Variants in FGF13 observed in about 807,000 individuals in gnomAD.
The protein encoded by FGF13 is fibroblast growth factor 13, also known as fibroblast growth factor homologous factor 2.
A neutral mutation model predicts 19.5 loss-of-function variants in FGF13; 2 were observed. That is an observed-to-expected ratio of 0.10 (90% CI 0.04 to 0.32). The LOEUF is 0.32. Among genes scored for constraint, FGF13 ranks in the 10% least tolerant of loss-of-function variants. The probability of loss-of-function intolerance (pLI) is 1.00; values close to 1 mark genes in which losing one functional copy is unlikely to be tolerated. For missense variants in FGF13, 113 were observed against 192.7 expected, an observed-to-expected ratio of 0.59 and a Z score of 2.45; for synonymous variants, 72 against 76.9, an observed-to-expected ratio of 0.94 and a Z score of 0.33.
chrX:139,096,195 C>T (rs940069471), intron 1 of FGF13, among the ~76,000 whole-genome samples: 8 of 111,582 alleles, frequency 7.2e-5, no homozygotes, highest in African/African-American at 2.6e-4. Context: ...GTCATGTAAG[C>T]AACTCATTAA....
intron 3 of FGF13, among the ~76,000 whole-genome samples, chrX:138,827,111 C>G (rs1404993734): frequency 1.8e-5 from 2 of 112,018 alleles, no homozygotes; most frequent in Non-Finnish European, 3.8e-5. Flanking sequence ...TGTTCTAATG[C>G]TAGAAGAGTT....
intron 4 of FGF13, 60 bp downstream of exon 4, chrX:138,635,397 T>TAATA (rs1178323167): frequency 7.4e-6 from 8 of 1,084,728 alleles, no homozygotes; most frequent in Non-Finnish European, 1.0e-5. Flanking sequence ...TATTGAAATT[T>TAATA]AATAAATAAA....
intron 3 of FGF13, among the ~76,000 whole-genome samples, chrX:138,758,643 C>A (rs2090446622): frequency 9.0e-6 from 1 of 111,659 alleles, no homozygotes; most frequent in South Asian, 3.8e-4. Flanking sequence ...AACTGCTTGG[C>A]TCCTGCAGCC....
intron 1 of FGF13, among the ~76,000 whole-genome samples, chrX:139,114,237 G>T (rs2083623771): frequency 8.9e-6 from 1 of 112,088 alleles, no homozygotes; most frequent in Admixed American, 9.5e-5. Context: ...AAGAGAACTG[G>T]TTCTGCTTCT....
chrX:139,122,251 C>T (rs923210796), intron 1 of FGF13, among the ~76,000 whole-genome samples: 2 of 111,628 alleles, frequency 1.8e-5, no homozygotes, highest in Non-Finnish European at 1.9e-5. Context: ...ACCTCAATTC[C>T]CTTCTCTATA....
chrX:138,968,346 TG>T (rs2091902917), intron 1 of FGF13, among the ~76,000 whole-genome samples: 2 of 112,392 alleles, frequency 1.8e-5, no homozygotes, highest in Non-Finnish European at 3.8e-5. Context: ...GCAATCCTAC[TG>T]GGTCATAATA....
intron 1 of FGF13, among the ~76,000 whole-genome samples, chrX:138,977,168 C>T (rs2091942945): frequency 8.9e-6 from 1 of 111,765 alleles, no homozygotes; most frequent in Non-Finnish European, 1.9e-5. Context: ...CAAAGCAGTG[C>T]CTGGATAGCA....
At chrX:138,975,543 A>G (rs1472686620) in intron 1 of FGF13, among the ~76,000 whole-genome samples, 1 of 111,336 alleles carries the variant, frequency 9.0e-6, no homozygotes, top group Admixed American at 9.5e-5. Flanking sequence ...AAAAAAAAAA[A>G]GAAGAAGAAA....
chrX:139,119,996 TG>T (rs1277863222), intron 1 of FGF13, among the ~76,000 whole-genome samples: 1 of 111,935 alleles, frequency 8.9e-6, no homozygotes, highest in African/African-American at 3.2e-5. Flanking sequence ...GATCGGATCA[TG>T]GGGGCAGTTT....
At chrX:139,097,973 T>C (rs2083481465) in intron 1 of FGF13, among the ~76,000 whole-genome samples, 1 of 112,430 alleles carries the variant, frequency 8.9e-6, no homozygotes, top group Non-Finnish European at 1.9e-5. Context: ...GAGTTCATTT[T>C]ATTTTTTCAT....
intron 3 of FGF13, among the ~76,000 whole-genome samples, chrX:138,666,320 T>C (rs919245175): frequency 9.0e-6 from 1 of 111,615 alleles, no homozygotes; most frequent in Non-Finnish European, 1.9e-5. Context: ...AAATGTGTTT[T>C]TATTGTTAAA....
chrX:138,973,200 G>A (rs188166270), intron 1 of FGF13, among the ~76,000 whole-genome samples: 2 of 111,170 alleles, frequency 1.8e-5, no homozygotes, highest in East Asian at 5.7e-4. Flanking sequence ...GCTTTTGTAT[G>A]TTGTGTTTCC....
intron 3 of FGF13, among the ~76,000 whole-genome samples, chrX:138,680,134 AT>A (rs1283040817): frequency 9.0e-6 from 1 of 111,700 alleles, no homozygotes. Flanking sequence ...ATTCTGTCAC[AT>A]TTTCAGGCCC....
chrX:139,008,122 C>G (rs967231852), intron 1 of FGF13, among the ~76,000 whole-genome samples: 4 of 112,097 alleles, frequency 3.6e-5, no homozygotes, highest in Non-Finnish European at 7.5e-5. Context: ...AACCACACCC[C>G]CTTCCCAAAG....
At chrX:138,965,134 G>A (rs2091889840) in intron 1 of FGF13, among the ~76,000 whole-genome samples, 1 of 112,311 alleles carries the variant, frequency 8.9e-6, no homozygotes, top group African/African-American at 3.2e-5. Context: ...AACAAAAGGA[G>A]GACATGCTGT....
At chrX:139,062,573 A>T (rs1603171856) in intron 1 of FGF13, among the ~76,000 whole-genome samples, 2 of 112,066 alleles carry the variant, frequency 1.8e-5, no homozygotes, top group Admixed American at 9.5e-5. Context: ...TGTTATTTCT[A>T]CTTCAGTGAA....
chrX:138,896,290 T>C (rs1333161352), intron 1 of FGF13, among the ~76,000 whole-genome samples: 1 of 111,664 alleles, frequency 9.0e-6, no homozygotes, highest in Non-Finnish European at 1.9e-5. Context: ...CCCATAAATA[T>C]GTACCAATAC....
chrX:138,845,944 G>C (rs2091178415), intron 3 of FGF13, among the ~76,000 whole-genome samples: 1 of 111,025 alleles, frequency 9.0e-6, no homozygotes, highest in Non-Finnish European at 1.9e-5. Flanking sequence ...CTTCCTTGTT[G>C]CTTAAAAAGA....
At chrX:138,667,263 G>GTA (rs202239735) in intron 3 of FGF13, among the ~76,000 whole-genome samples, 113 of 105,958 alleles carry the variant, frequency 1.1e-3, no homozygotes, top group African/African-American at 3.3e-3. Context: ...TGGAATATAT[G>GTA]TATATATATA....
Sources: allele counts gnomAD v4.1 joint callset (sites outside exome capture counted in the v4.1 genomes callset), GRCh38; gene constraint gnomAD v4.1.1; transcripts MANE v1.5; gene names NCBI Gene and HGNC (gene_info 2026-07-23, HGNC 2026-07-21).